Variants in PLCH1 observed in about 807,000 individuals in gnomAD.
The protein encoded by PLCH1 is phospholipase C eta 1, also known as 1-phosphatidylinositol 4,5-bisphosphate phosphodiesterase eta-1.
Under a neutral mutation model 126.7 loss-of-function variants are expected in PLCH1, and 60 were observed. The observed-to-expected ratio is 0.47, with a 90% CI of 0.38 to 0.59. The LOEUF (loss-of-function observed/expected upper bound fraction) is 0.59. PLCH1 is among the 20% of genes least tolerant of loss of function. PLCH1 has a pLI of 0.00. For synonymous variants in PLCH1, 719 were observed against 734.9 expected (o/e 0.98, Z 0.35); for missense variants, 1,723 against 2,040.0 (o/e 0.84, Z 2.99).
In PLCH1 at chr3:155,564,916, T is replaced by C. The variant is rs748872875; in HGVS notation, c.1068A>G (p.Glu356=). ...RVLQEGCRCV[E]VDCWDGPDGE... Reference sequence around the variant, plus strand: ...GGAGCTCAGAAAAAGTGCACGTACCTTCCACACAGCGACAGCCCTCTTGCA... The same window carrying C: ...GGAGCTCAGAAAAAGTGCACGTACCCTCCACACAGCGACAGCCCTCTTGCA... The change falls in exon 8 of 23, where the codon GAA becomes GAG. Residue 356 remains glutamate (E), a splice_region_variant and synonymous_variant. Coordinates refer to ENST00000460012, the MANE Select transcript of PLCH1 (RefSeq NM_014996.4). 5 of 1,610,512 alleles carry C rather than the reference T, an allele frequency of 3.1e-6. No individual in the cohort carries two copies. The Admixed American group carries it at 6.7e-5, about 21-fold the overall frequency.
intron 17 of PLCH1, among the ~76,000 whole-genome samples, chr3:155,493,754 G>T (rs1365475272): frequency 6.6e-6 from 1 of 152,138 alleles, no homozygotes; most frequent in Non-Finnish European, 1.5e-5. Flanking sequence ...TGATAAAATT[G>T]TTTCAGGTGG....
At chr3:155,685,314 A>G (rs1744853889) in intron 2 of PLCH1, among the ~76,000 whole-genome samples, 1 of 152,230 alleles carries the variant, frequency 6.6e-6, no homozygotes, top group Admixed American at 6.5e-5. Context: ...CAGGGAGAAG[A>G]TTAAGGTGGC....
chr3:155,586,058 A>G lies in PLCH1; in HGVS notation c.600+7T>C, dbSNP rs1289355725. ...TATATAAGGCCAGTGAAATTGTGAA[A>G]ACTTACCTGAAACATTTGTCTGACT... On this transcript the variant is annotated splice_region_variant and intron_variant, in intron 5 of 22. Transcript: ENST00000460012. The G allele has an allele frequency of 1.9e-6, 3 of 1,613,582 alleles. No individual in the cohort carries two copies. Among genetic ancestry groups the G allele is most frequent in the Non-Finnish European group, 2.5e-6 (3 of 1,179,638 alleles).
intron 21 of PLCH1, among the ~76,000 whole-genome samples, chr3:155,470,702 A>T (rs1713173907): frequency 6.6e-6 from 1 of 152,176 alleles, no homozygotes; most frequent in African/African-American, 2.4e-5. Flanking sequence ...CTCAAAGGGA[A>T]GCCCACCAGA....
At chr3:155,566,391 G>T in intron 7 of PLCH1, among the ~76,000 whole-genome samples, 1 of 146,386 alleles carries the variant, frequency 6.8e-6, no homozygotes, top group African/African-American at 2.5e-5. Context: ...GTATATATAT[G>T]TTGACTTTTT....
chr3:155,677,690 G>A (rs976172807), intron 2 of PLCH1, among the ~76,000 whole-genome samples: 1 of 152,120 alleles, frequency 6.6e-6, no homozygotes, highest in East Asian at 1.9e-4. Flanking sequence ...CACATAAAGT[G>A]CTTAGAATCA....
intron 10 of PLCH1, among the ~76,000 whole-genome samples, chr3:155,524,283 G>A (rs1348046565): frequency 6.6e-6 from 1 of 152,196 alleles, no homozygotes; most frequent in Non-Finnish European, 1.5e-5. Flanking sequence ...AAGTAAAATG[G>A]TGATGGCAAA....
rs537143652 is a variant in PLCH1, at chr3:155,458,494, G to GA, written c.2938+26861dup. Among the ~76,000 whole-genome samples the GA allele has an allele frequency of 3.4e-5, 3 of 87,060 alleles. No homozygotes were observed. The African/African-American group carries it at 3.9e-4, about 11-fold the overall frequency. The allele number at this position is 87,060 out of a possible 152,430, so 57.1% of individuals were successfully genotyped here. A position where few individuals can be genotyped will look rare whatever the true frequency, so the allele number is the denominator to read the frequency against. On this transcript the variant is annotated intron_variant, in intron 21 of 21. Transcript: ENST00000494598. ...AGAAAGAAAGAAAGAAAGAAAGAAAGAAAGAGAAAGAAGAGAGAGAAATAA... is the reference window on the plus strand; with the variant it reads ...AGAAAGAAAGAAAGAAAGAAAGAAAGAAAAGAGAAAGAAGAGAGAGAAATAA...
At chr3:155,648,303 AG>A (rs1421854562) in intron 2 of PLCH1, among the ~76,000 whole-genome samples, 1 of 152,226 alleles carries the variant, frequency 6.6e-6, no homozygotes, top group East Asian at 1.9e-4. Context: ...AAATAAAAAC[AG>A]GCAGAAGAAC....
intron 1 of PLCH1, chr3:155,742,312 G>A (rs1749697582): frequency 6.6e-6 from 1 of 152,170 alleles, no homozygotes; most frequent in South Asian, 2.1e-4. Context: ...CATATTCTAT[G>A]TTTATAATAC....
At chr3:155,454,569 G>T (rs1449867661) in intron 21 of PLCH1, among the ~76,000 whole-genome samples, 1 of 152,178 alleles carries the variant, frequency 6.6e-6, no homozygotes, top group East Asian at 1.9e-4. Flanking sequence ...TGTTGACTTG[G>T]CATGGGTCTG....
intron 1 of PLCH1, among the ~76,000 whole-genome samples, chr3:155,709,001 T>A (rs1746893436): frequency 1.3e-5 from 2 of 152,222 alleles, no homozygotes; most frequent in African/African-American, 4.8e-5. Context: ...AGTTTTGCCT[T>A]TTCCGGGATG....
At chr3:155,459,967 T>C (rs1712647177) in intron 21 of PLCH1, among the ~76,000 whole-genome samples, 1 of 152,184 alleles carries the variant, frequency 6.6e-6, no homozygotes. Flanking sequence ...TGAAAATTCT[T>C]GAGCCTCATC....
At chr3:155,687,735 T>TA (rs911046381) in intron 2 of PLCH1, among the ~76,000 whole-genome samples, 2 of 152,150 alleles carry the variant, frequency 1.3e-5, no homozygotes, top group African/African-American at 4.8e-5. Flanking sequence ...TATTTGTCTT[T>TA]AAAAAATAAC....
intron 2 of PLCH1, among the ~76,000 whole-genome samples, chr3:155,609,271 T>A (rs1734754075): frequency 6.6e-6 from 1 of 152,144 alleles, no homozygotes; most frequent in African/African-American, 2.4e-5. Flanking sequence ...CCCCACTGGG[T>A]GGCTAGACCC....
chr3:155,506,555 A>C, intron 12 of PLCH1, among the ~76,000 whole-genome samples: 1 of 109,436 alleles, frequency 9.1e-6, no homozygotes. Context: ...TCCTGTGTCC[A>C]TGTGATCTCA....
intron 11 of PLCH1, among the ~76,000 whole-genome samples, chr3:155,523,098 C>T (rs551366344): frequency 5.3e-5 from 8 of 152,218 alleles, no homozygotes; most frequent in South Asian, 2.1e-4. Flanking sequence ...CCTCAGCCTC[C>T]GGAGTAGCTA....
chr3:155,609,675 A>G (rs1734797368), intron 2 of PLCH1, among the ~76,000 whole-genome samples: 1 of 152,102 alleles, frequency 6.6e-6, no homozygotes, highest in Non-Finnish European at 1.5e-5. Flanking sequence ...AAAATTTGCC[A>G]GACAAATATA....
chr3:155,675,997 C>G, intron 2 of PLCH1: 1 of 1,512,234 alleles, frequency 6.6e-7, no homozygotes. Context: ...TGAGTCTTAC[C>G]TTTTTCTGGA....
Sources: gnomAD v4.1 joint callset for allele counts (sites outside exome capture counted in the v4.1 genomes callset) on GRCh38, gnomAD v4.1.1 for gene constraint, MANE v1.5 for transcripts, NCBI Gene and HGNC (gene_info 2026-07-23, HGNC 2026-07-21) for gene names.